The following SYMPK variants were observed in gnomAD, a reference collection of about 807,000 sequenced individuals.
SYMPK encodes the protein symplekin.
A neutral mutation model predicts 136.4 loss-of-function variants in SYMPK; 49 were observed. That is an observed-to-expected ratio of 0.36 (90% CI 0.29 to 0.46). SYMPK has a LOEUF of 0.46. SYMPK is among the 20% of genes least tolerant of loss of function. The pLI is 1.00. For synonymous variants in SYMPK, 766 were observed against 713.0 expected (o/e 1.07, Z -1.19); for missense variants, 1,365 against 1,690.0 (o/e 0.81, Z 3.37).
intron 22 of SYMPK, chr19:45,820,927 G>A (rs936696088): frequency 1.4e-5 from 8 of 571,224 alleles, no homozygotes; most frequent in South Asian, 8.9e-5. Context: ...ATCGTGAGGC[G>A]GCCAGTTCGT....
rs1190509264 is a variant in SYMPK at position 45,827,574 on chromosome 19, C to A, written c.2117G>T (p.Arg706Leu). 16 of 1,613,950 alleles carry A rather than the reference C, an allele frequency of 9.9e-6. No individual in the cohort carries two copies. The highest frequency in any genetic ancestry group is 1.3e-5 in the African/African-American group (1 of 74,872). Residue 706 changes from arginine to leucine, a missense_variant, in exon 16 of 27, where the codon CGC becomes CTC. By Grantham distance (102) the Arg-to-Leu change is moderately radical. Coordinates refer to ENST00000245934, the MANE Select transcript of SYMPK (RefSeq NM_004819.3). ...CAGGTACTGGAACTGGCGGGACGGG[C>A]GCTTGAAGATCAGGTCTCGAAGTGT... is the stretch of plus-strand genomic sequence containing the variant. Reference protein sequence around the residue: ...MSTLRDLIFKRPSRQFQYLHV... With the variant: ...MSTLRDLIFKLPSRQFQYLHV...
chr19:45,838,748 G>T, intron 9 of SYMPK, 133 bp from the exon 10 acceptor site: 1 of 1,028,272 alleles, frequency 9.7e-7, no homozygotes, highest in Non-Finnish European at 1.4e-6. Context: ...TGAAGATCCA[G>T]GCTGCAGCTC....
rs1179742570 is a variant in SYMPK at position 45,848,950 on chromosome 19, AG to A, written c.300-75del. 6 of 1,571,836 alleles carry A rather than the reference AG, an allele frequency of 3.8e-6. No individual in the cohort carries two copies. In the Admixed American group the frequency reaches 1.0e-4, roughly 26 times the overall value. The stretch of plus-strand genomic sequence containing the variant: ...AAGTAGGAGGAGCCTGAGGTCCAGG[AG>A]GGAAGGGAAATCAGGGACCTGTCTC... On this transcript the variant is annotated intron_variant, in intron 5 of 26. Transcript: ENST00000245934.
chr19:45,847,703 G>C (rs1272905792), intron 7 of SYMPK, 49 bp downstream of exon 7: 1 of 1,578,072 alleles, frequency 6.3e-7, no homozygotes, highest in Admixed American at 1.7e-5. Context: ...GTGAAGGAGA[G>C]GAAACTGGTG....
chr19:45,815,835 A>G lies in SYMPK; in HGVS notation c.3687+16T>C, dbSNP rs763937545. ...GATCCGGCTTCTTCCTTCGCAGCGG[A>G]GGCTGCTCTCCCTACCTTGGGTAGG... On this transcript the variant is annotated intron_variant, in intron 26 of 26. Transcript: ENST00000245934. 143 of 1,609,508 alleles carry G rather than the reference A, an allele frequency of 8.9e-5. No homozygotes were observed. The highest frequency in any genetic ancestry group is 1.2e-4 in the Non-Finnish European group (137 of 1,178,642).
chr19:45,858,992 T>TG lies in SYMPK; in HGVS notation c.-13+4065dup, dbSNP rs1186756634. Among the ~76,000 whole-genome samples, 7 of 151,850 alleles carry TG rather than the reference T, an allele frequency of 4.6e-5. No homozygotes were observed. The South Asian group carries it at 1.5e-3, about 32-fold the overall frequency. On this transcript the variant is annotated intron_variant, in intron 1 of 26. Transcript: ENST00000245934. ...TTCGCCATGTTGCCCAGGCTGGTCT[T>TG]GAACTCCTGCACTCAAGCAATCCAC...
rs765957468 is a variant in SYMPK at position 45,831,453 on chromosome 19, G to T, written c.1529C>A (p.Ser510Tyr). ...CTGCGGTGCCTCTTCCTCCAGGGGG[G>T]ACATGGAGCTCAGGGAACCCACCAC... is the stretch of plus-strand genomic sequence containing the variant. ...ISVVGSLSSM[S>Y]PLEEEAPQAK... The change falls in exon 12 of 27, where the codon TCC becomes TAC. Residue 510 changes from serine to tyrosine, a missense_variant. Transcript: ENST00000245934. 1 of 1,608,644 alleles carries T rather than the reference G, an allele frequency of 6.2e-7. No homozygotes were observed. Among genetic ancestry groups the T allele is most frequent in the Non-Finnish European group, 8.5e-7 (1 of 1,177,762 alleles).
intron 1 of SYMPK, among the ~76,000 whole-genome samples, chr19:45,856,761 A>G (rs34653235): frequency 6.6e-6 from 1 of 151,632 alleles, no homozygotes; most frequent in African/African-American, 2.4e-5. Flanking sequence ...GAGGTGGAGG[A>G]TGCAGTGAGC....
rs1021602533 is a variant in SYMPK at position 45,854,222 on chromosome 19, G to C, written c.124C>G (p.Gln42Glu). The C allele has an allele frequency of 1.2e-6, 2 of 1,614,156 alleles. No homozygotes were observed. The highest frequency in any genetic ancestry group is 1.7e-6 in the Non-Finnish European group (2 of 1,180,020). ...TSERVVDLLNQAALITNDSKI... is the reference protein window; with the variant it reads ...TSERVVDLLNEAALITNDSKI... ...GAGTCATTGGTGATCAGCGCCGCCT[G>C]GTTCAGAAGATCCACCACCTGGAAG... Residue 42 changes from glutamine (Q) to glutamate (E), a missense_variant, in exon 3 of 27, where the codon CAG (glutamine) becomes GAG (glutamate). Gln to Glu is a conservative substitution (Grantham distance 29). This residue lies in a region of SYMPK where 61 missense variants were observed against 80.7 expected (regional missense o/e 0.76). Transcript: ENST00000245934.
chr19:45,816,666 C>G, intron 24 of SYMPK, 89 bp from the exon 25 acceptor site: 1 of 1,563,116 alleles, frequency 6.4e-7, no homozygotes, highest in South Asian at 1.2e-5. Context: ...CCTAACCCTC[C>G]AGAACTCCCA....
intron 18 of SYMPK, among the ~76,000 whole-genome samples, chr19:45,824,700 T>G (rs1970997134): frequency 6.6e-6 from 1 of 152,214 alleles, no homozygotes; most frequent in South Asian, 2.1e-4. Context: ...AGTCTGTCAC[T>G]GAGCTGCTTC....
At chr19:45,845,993 T>C (rs1971550400) in intron 7 of SYMPK, among the ~76,000 whole-genome samples, 1 of 152,192 alleles carries the variant, frequency 6.6e-6, no homozygotes. Flanking sequence ...TCCCAGCACT[T>C]TGGGAGGCCG....
chr19:45,842,607 T>A, intron 8 of SYMPK, 118 bp from the exon 9 acceptor site: 1 of 1,438,988 alleles, frequency 6.9e-7, no homozygotes, highest in South Asian at 1.3e-5. Context: ...GAAAAGTTCC[T>A]TCACCCTCAG....
intron 25 of SYMPK, 126 bp from the exon 26 acceptor site, chr19:45,816,309 T>G: frequency 8.8e-7 from 1 of 1,141,254 alleles, no homozygotes; most frequent in Non-Finnish European, 1.2e-6. Flanking sequence ...GAAGGGGCAG[T>G]TGTCCCCCAG....
rs145953336 is a variant in SYMPK at position 45,846,516 on chromosome 19, A to G, written c.676+1236T>C. On this transcript the variant is annotated intron_variant, in intron 7 of 26. Coordinates refer to ENST00000245934, the MANE Select transcript of SYMPK (RefSeq NM_004819.3). The stretch of plus-strand genomic sequence containing the variant: ...ACGATCCCCAATTTACCAATGAGGA[A>G]TCAGGCTCAGAGACAAGGGAAAATA... Among the ~76,000 whole-genome samples the G allele has an allele frequency of 1.2e-3, 188 of 152,346 alleles. 1 individual carries two copies. The highest frequency in any genetic ancestry group is 4.2e-3 in the African/African-American group (174 of 41,588).
At position 45,816,596 on chromosome 19, in the gene SYMPK, G is replaced by A; in HGVS notation, c.3259-19C>T. ...GAGCTTGCTGGGTGGAGAGCAGGAA[G>A]GGGGCGCTGGGGGCAGCTCTGGCAC... On this transcript the variant is annotated intron_variant, in intron 24 of 26. Coordinates refer to ENST00000245934, the MANE Select transcript of SYMPK (RefSeq NM_004819.3). 1.9e-6 allele frequency: 3 copies of A among 1,612,950 alleles called. No homozygotes were observed. Among genetic ancestry groups the A allele is most frequent in the South Asian group, 1.1e-5 (1 of 91,058 alleles).
At chr19:45,817,241 G>C in intron 23 of SYMPK, 4 of 463,458 alleles carry the variant, frequency 8.6e-6, no homozygotes, top group Non-Finnish European at 1.5e-5. Flanking sequence ...CCCAGGCTAA[G>C]TGCTGCGGGA....
chr19:45,816,913 T>A lies in SYMPK; in HGVS notation c.3143A>T (p.Gln1048Leu). 1 of 1,556,908 alleles carries A rather than the reference T, an allele frequency of 6.4e-7. No homozygotes were observed. Residue 1048 changes from glutamine (Q) to leucine (L), a missense_variant, in exon 24 of 27, where the codon CAG becomes CTG. This residue lies in a region of SYMPK where 156 missense variants were observed against 217.8 expected (regional missense o/e 0.72). Coordinates refer to ENST00000245934, the MANE Select transcript of SYMPK (RefSeq NM_004819.3). ...CAGCTGCAGGATGACCTGGAAGCTC[T>A]GGGGCTTTGTGCGCTGGCAGCACTT... The part of the protein sequence containing the change: ...FIKCCQRTKP[Q>L]SFQVILQLPP...
intron 3 of SYMPK, among the ~76,000 whole-genome samples, chr19:45,852,939 C>T (rs1027737595): frequency 7.2e-5 from 11 of 152,198 alleles, no homozygotes; most frequent in Non-Finnish European, 1.5e-4. Flanking sequence ...TGCTTCTGCT[C>T]CCTACTTCAC....
Sources: gnomAD v4.1 joint callset for allele counts (sites outside exome capture counted in the v4.1 genomes callset) on GRCh38, gnomAD v4.1.1 for gene constraint, gnomAD v4.1.1 regional missense constraint, MANE v1.5 for transcripts, NCBI Gene and HGNC (gene_info 2026-07-23, HGNC 2026-07-21) for gene names.